The following CEL variants were observed in gnomAD, a reference collection of about 807,000 sequenced individuals.
CEL encodes the protein carboxyl ester lipase.
Under a neutral mutation model 57.1 loss-of-function variants are expected in CEL, and 39 were observed. The ratio of observed to expected loss-of-function variants is 0.68; its 90% CI spans 0.53 to 0.89. The LOEUF (loss-of-function observed/expected upper bound fraction) is 0.89, where lower values mean the gene tolerates loss of function less well. CEL is among the 40% of genes least tolerant of loss of function. The pLI, the probability that CEL is intolerant of heterozygous loss-of-function variation, is 0.00. For missense variants in CEL, 698 were observed against 915.0 expected (o/e 0.76, Z 3.06); for synonymous variants, 314 against 396.6 (o/e 0.79, Z 2.48).
intron 3 of CEL, 56 bp downstream of exon 3, chr9:133,064,818 C>T (rs1336446203): frequency 1.2e-6 from 2 of 1,611,194 alleles, no homozygotes; most frequent in Non-Finnish European, 1.7e-6. Context: ...TGCCCCGGGT[C>T]TACTCCTGGC....
Position 133,066,682 on chromosome 9 carries a change from G to A in CEL, c.669+22G>A. On this transcript the variant is annotated intron_variant, in intron 5 of 10. Coordinates refer to ENST00000372080, the MANE Select transcript of CEL (RefSeq NM_001807.6). The surrounding 1 kb of genome is among the most constrained non-coding windows in gnomAD (Gnocchi z 4.3). Reference sequence around the variant, plus strand: ...GCAGGTCTCGGGATCCCTGTGGGGAGGGCCTGCCCCACAGGTTGAGAGGAA... The same window carrying A: ...GCAGGTCTCGGGATCCCTGTGGGGAAGGCCTGCCCCACAGGTTGAGAGGAA... 6.2e-7 allele frequency: 1 copy of A among 1,611,370 alleles called. No homozygotes were observed. Among genetic ancestry groups the A allele is most frequent in the Non-Finnish European group, 8.5e-7 (1 of 1,178,290 alleles).
At chr9:133,067,792 A>T (rs575928314) in intron 7 of CEL, among the ~76,000 whole-genome samples, 1 of 152,038 alleles carries the variant, frequency 6.6e-6, no homozygotes, top group South Asian at 2.1e-4. Flanking sequence ...AATTTTAGGG[A>T]GACTCATAGA....
At chr9:133,070,847 C>T (rs1830248354) in intron 10 of CEL, 140 bp from the exon 11 acceptor site, 3 of 1,225,350 alleles carry the variant, frequency 2.4e-6, no homozygotes, top group Admixed American at 2.0e-5. Context: ...ACGTGCACAG[C>T]CAGTGCCCAG....
chr9:133,064,122 C>G (rs1813187437), intron 1 of CEL, among the ~76,000 whole-genome samples: 1 of 152,188 alleles, frequency 6.6e-6, no homozygotes, highest in Non-Finnish European at 1.5e-5. Context: ...ACCCAAACCT[C>G]CATCCCACCT....
chr9:133,070,952 C>A (rs776798908), intron 10 of CEL, 35 bp from the exon 11 acceptor site: 1 of 1,609,714 alleles, frequency 6.2e-7, no homozygotes, highest in Non-Finnish European at 8.5e-7. Context: ...CCCTGGGAGT[C>A]CCCAGCCCCT....
At chr9:133,063,664 C>CT (rs1489649398) in intron 1 of CEL, among the ~76,000 whole-genome samples, 1 of 152,236 alleles carries the variant, frequency 6.6e-6, no homozygotes, top group Non-Finnish European at 1.5e-5. Context: ...AGCCCAAAAG[C>CT]TGCCCAGCCT....
chr9:133,065,080 C>A lies in CEL; in HGVS notation c.381C>A (p.Gly127=), dbSNP rs369130237. The A allele has an allele frequency of 2.5e-6, 4 of 1,613,772 alleles. No individual in the cohort carries two copies. The highest frequency in any genetic ancestry group is 3.4e-6 in the Non-Finnish European group (4 of 1,180,024). ...DLPVMIWIYG[G]AFLMGSGHGA... ...CCGTTATGATCTGGATCTATGGAGG[C>A]GCCTTCCTCATGGGGTCCGGCCATG... Residue 127 remains glycine (G), a synonymous_variant, in exon 4 of 11, where the codon GGC becomes GGA. Transcript: ENST00000372080.
intron 7 of CEL, among the ~76,000 whole-genome samples, chr9:133,067,624 C>T (rs1396456652): frequency 6.6e-6 from 1 of 152,142 alleles, no homozygotes; most frequent in African/African-American, 2.4e-5. Flanking sequence ...CTGCCCACCT[C>T]GGCCTCCCAA....
At chr9:133,065,263 G>A (rs376468227) in intron 4 of CEL, 26 bp downstream of exon 4, 45 of 1,608,970 alleles carry the variant, frequency 2.8e-5, no homozygotes, top group Admixed American at 1.2e-4. Context: ...CGGCCCTGAG[G>A]TGGGGCGACC....
rs1488723384 is a variant in CEL at position 133,066,813 on chromosome 9, G to A, written c.670-25G>A. The A allele has an allele frequency of 6.2e-7, 1 of 1,609,398 alleles. No individual in the cohort carries two copies. The highest frequency in any genetic ancestry group is 8.5e-7 in the Non-Finnish European group (1 of 1,177,598). ...GTGGGCAGAGTGGGGAGCGGCCTTG[G>A]TGACGGGATTTCTGGGTCCCGTAGA... On this transcript the variant is annotated intron_variant, in intron 5 of 10. Coordinates refer to ENST00000372080, the MANE Select transcript of CEL (RefSeq NM_001807.6). The surrounding 1 kb of genome is among the most constrained non-coding windows in gnomAD (Gnocchi z 4.3).
In CEL at chr9:133,068,454, AG is replaced by A. The variant is rs761961723; in HGVS notation, c.896-213del. Among the ~76,000 whole-genome samples, 32 of 151,784 alleles carry A rather than the reference AG, an allele frequency of 2.1e-4. No homozygotes were observed. In the South Asian group the frequency reaches 5.9e-3, roughly 28 times the overall value. On this transcript the variant is annotated intron_variant, in intron 7 of 10. Transcript: ENST00000372080. ...ACATCTGTGATTGTCACAGCTGGGG[AG>A]GGGGTGCTCCTGGCACCTCGTGGGT...
chr9:133,068,349 G>C (rs1441981056), intron 7 of CEL, among the ~76,000 whole-genome samples: 1 of 152,124 alleles, frequency 6.6e-6, no homozygotes, highest in East Asian at 1.9e-4. Flanking sequence ...AGAGAGGAGA[G>C]GGAGGGGCTG....
At chr9:133,067,917 C>T (rs533185595) in intron 7 of CEL, among the ~76,000 whole-genome samples, 1 of 152,290 alleles carries the variant, frequency 6.6e-6, no homozygotes, top group Non-Finnish European at 1.5e-5. Flanking sequence ...CTATTCTGTA[C>T]CCCGGGAAGG....
chr9:133,065,014 G>A (rs1156584303), intron 3 of CEL, 26 bp from the exon 4 acceptor site: 4 of 1,606,514 alleles, frequency 2.5e-6, no homozygotes, highest in Non-Finnish European at 3.4e-6. Context: ...GGGCGTCTGG[G>A]GTCACCAGCC....
At chr9:133,068,334 AAGAG>A (rs1242059741) in intron 7 of CEL, among the ~76,000 whole-genome samples, 1 of 152,026 alleles carries the variant, frequency 6.6e-6, no homozygotes, top group East Asian at 1.9e-4. Context: ...AGGCCCAGCA[AAGAG>A]AGAGAGGAGA....
In CEL at chr9:133,066,608, A is replaced by G. The variant is rs1257700637; in HGVS notation, c.617A>G (p.Asn206Ser). Residue 206 changes from asparagine (N) to serine (S), a missense_variant, in exon 5 of 11, where the codon AAC becomes AGC. Coordinates refer to ENST00000372080, the MANE Select transcript of CEL (RefSeq NM_001807.6). The surrounding 1 kb of genome is among the most constrained non-coding windows in gnomAD (Gnocchi z 4.3). ...RNIAAFGGDP[N>S]NITLFGESAG... is the part of the protein sequence containing the mutation. ...ATCGCGGCCTTCGGGGGGGACCCCAACAACATCACGCTCTTCGGGGAGTCT... is the reference window on the plus strand; with the variant it reads ...ATCGCGGCCTTCGGGGGGGACCCCAGCAACATCACGCTCTTCGGGGAGTCT... 3 of 1,613,904 alleles carry G rather than the reference A, an allele frequency of 1.9e-6. No homozygotes were observed. The highest frequency in any genetic ancestry group is 4.5e-5 in the East Asian group (2 of 44,852).
Position 133,066,966 on chromosome 9 carries a change from C to T in CEL, c.777+21C>T, listed in dbSNP as rs1467932625. 23 of 560,546 alleles carry T rather than the reference C, an allele frequency of 4.1e-5. No individual in the cohort carries two copies. The highest frequency in any genetic ancestry group is 7.9e-5 in the Non-Finnish European group (23 of 292,420). The allele number at this position is 560,546 out of a possible 1,614,324, so 34.7% of individuals were successfully genotyped here. ...AAAAGGTAAACGGAGGAGGGCAGGGCTGGGCGGGGTGGGGGCTGTCCACAT... is the reference window on the plus strand; with the variant it reads ...AAAAGGTAAACGGAGGAGGGCAGGGTTGGGCGGGGTGGGGGCTGTCCACAT... On this transcript the variant is annotated intron_variant, in intron 6 of 10. Coordinates refer to ENST00000372080, the MANE Select transcript of CEL (RefSeq NM_001807.6). This position sits in a 1 kb window ranked among gnomAD's most constrained non-coding sequence, Gnocchi z 4.3.
Position 133,065,033 on chromosome 9 carries a change from A to G in CEL, c.341-7A>G. On this transcript the variant is annotated splice_region_variant and splice_polypyrimidine_tract_variant and intron_variant, in intron 3 of 10. Coordinates refer to ENST00000372080, the MANE Select transcript of CEL (RefSeq NM_001807.6). ...GTCTGGGGTCACCAGCCGCTCCCCC[A>G]TCTCAGTCTCCCGGGACCTGCCCGT... 6.2e-7 allele frequency: 1 copy of G among 1,608,340 alleles called. No individual in the cohort carries two copies. Among genetic ancestry groups the G allele is most frequent in the Middle Eastern group, 2.2e-4 (1 of 4,460 alleles).
At position 133,066,647 on chromosome 9, in the gene CEL, G is replaced by T; in HGVS notation, c.656G>T (p.Ser219Ile). The change falls in exon 5 of 11, where the codon AGC becomes ATC. Residue 219 changes from serine to isoleucine, a missense_variant. Ser to Ile is a moderately radical substitution (Grantham distance 142). Around this residue, in one of 6 missense-constraint regions of CEL, gnomAD observed 327 missense variants for 374.1 expected, o/e 0.87. Coordinates refer to ENST00000372080, the MANE Select transcript of CEL (RefSeq NM_001807.6). The surrounding 1 kb of genome is among the most constrained non-coding windows in gnomAD (Gnocchi z 4.3). Reference protein sequence around the residue: ...TLFGESAGGASVSLQTLSPYN... With the variant: ...TLFGESAGGAIVSLQTLSPYN... ...TTCGGGGAGTCTGCTGGAGGTGCCA[G>T]CGTCTCTCTGCAGGTCTCGGGATCC... The T allele has an allele frequency of 6.2e-7, 1 of 1,613,592 alleles. No homozygotes were observed. The highest frequency in any genetic ancestry group is 1.3e-5 in the African/African-American group (1 of 75,040).
Sources: gnomAD v4.1 joint callset for allele counts (sites outside exome capture counted in the v4.1 genomes callset) on GRCh38, gnomAD v4.1.1 for gene constraint, gnomAD v4.1.1 regional missense constraint, Gnocchi (gnomAD v3.1) non-coding constraint, MANE v1.5 for transcripts, NCBI Gene and HGNC (gene_info 2026-07-23, HGNC 2026-07-21) for gene names.